The following YARS1 variants were observed in gnomAD, a reference collection of about 807,000 sequenced individuals.
YARS1 encodes the protein tyrosyl-tRNA synthetase 1, also known as tyrosine--tRNA ligase, cytoplasmic.
In YARS1, 36 loss-of-function variants were observed where a neutral mutation model predicts 62.2. The ratio of observed to expected loss-of-function variants is 0.58; its 90% CI spans 0.44 to 0.76. The LOEUF (loss-of-function observed/expected upper bound fraction) is 0.76, where lower values mean the gene tolerates loss of function less well. YARS1 is among the 30% of genes least tolerant of loss of function. YARS1 has a pLI of 0.00. For synonymous variants in YARS1, 234 were observed against 244.9 expected, an observed-to-expected ratio of 0.96 and a Z score of 0.42; for missense variants, 524 against 639.8, an observed-to-expected ratio of 0.82 and a Z score of 1.95.
At chr1:32,803,926 G>C (rs1369408379) in intron 4 of YARS1, among the ~76,000 whole-genome samples, 13 of 150,072 alleles carry the variant, frequency 8.7e-5, no homozygotes, top group Admixed American at 1.3e-4. Context: ...CTTGAGATTA[G>C]GGAGTGGTGA....
At chr1:32,781,258 A>G in intron 9 of YARS1, 113 bp from the exon 10 acceptor site, 1 of 885,436 alleles carries the variant, frequency 1.1e-6, no homozygotes, top group South Asian at 1.3e-5. Context: ...GAATCCCCAG[A>G]GTCTAAACAC....
At chr1:32,798,868 C>A (rs1237709087) in intron 4 of YARS1, among the ~76,000 whole-genome samples, 5 of 152,064 alleles carry the variant, frequency 3.3e-5, no homozygotes. Flanking sequence ...CAGTGACTGT[C>A]ACTTATGACA....
At chr1:32,804,001 T>C (rs957502913) in intron 4 of YARS1, among the ~76,000 whole-genome samples, 1 of 151,096 alleles carries the variant, frequency 6.6e-6, no homozygotes, top group Admixed American at 6.7e-5. Context: ...CACCGCCCTT[T>C]ATCCATTTAA....
In YARS1 at chr1:32,810,701, T is replaced by C. The variant is rs1569777416; in HGVS notation, c.270A>G (p.Leu90=). 4 of 1,614,202 alleles carry C rather than the reference T, an allele frequency of 2.5e-6. No individual in the cohort carries two copies. The highest frequency in any genetic ancestry group is 3.4e-6 in the Non-Finnish European group (4 of 1,180,026). Residue 90 remains leucine, a synonymous_variant, in exon 3 of 13, where the codon CTA becomes CTG. Transcript: ENST00000373477. The part of the protein sequence containing the change: ...LDNMKAPWEL[L]ELRVSYYENV... ...TCTCATAGTAACTGACTCGGAGTTC[T>C]AGAAGTTCCCATGGGGCTTTCATGT... is the stretch of plus-strand genomic sequence containing the variant.
intron 4 of YARS1, among the ~76,000 whole-genome samples, chr1:32,804,473 A>G (rs1638397137): frequency 6.6e-6 from 1 of 151,638 alleles, no homozygotes; most frequent in African/African-American, 2.4e-5. Flanking sequence ...CTCACTTCCC[A>G]GACGGGGCGG....
chr1:32,790,206 T>G (rs1231176330), intron 6 of YARS1, among the ~76,000 whole-genome samples: 4 of 147,058 alleles, frequency 2.7e-5, no homozygotes, highest in Non-Finnish European at 1.5e-5. Flanking sequence ...TTTTTTTAAT[T>G]TGTATTTTTA....
chr1:32,780,335 G>A, intron 10 of YARS1, 57 bp from the exon 11 acceptor site: 12 of 1,603,154 alleles, frequency 7.5e-6, no homozygotes, highest in Non-Finnish European at 1.0e-5. Context: ...GAAGCAGCCT[G>A]GTGAACTCTT....
intron 6 of YARS1, chr1:32,790,882 T>C: frequency 2.4e-6 from 1 of 415,024 alleles, no homozygotes; most frequent in Non-Finnish European, 4.5e-6. Flanking sequence ...AGTGCTCTCA[T>C]TAATAAGGCT....
intron 1 of YARS1, among the ~76,000 whole-genome samples, chr1:32,814,211 T>C (rs911910124): frequency 5.9e-5 from 9 of 152,186 alleles, no homozygotes; most frequent in Non-Finnish European, 1.2e-4. Flanking sequence ...TCACTCCTAC[T>C]ACAGTAAATG....
chr1:32,809,085 CTTTCT>C (rs1334263645), intron 3 of YARS1, among the ~76,000 whole-genome samples: 2 of 151,684 alleles, frequency 1.3e-5, no homozygotes, highest in East Asian at 1.9e-4. Flanking sequence ...ATTTCTTTTT[CTTTCT>C]TTTCTTTTTT....
Position 32,782,488 on chromosome 1 carries a change from AC to A in YARS1, c.957del (p.Lys319AsnfsTer15). ...LKNSVEVALN[K>X]LLDPIREKFN... Reference sequence around the variant, plus strand: ...AACTTTTCCCGGATTGGATCCAGCAACTTGTTCAGTGCGACTTCAACAGAAT... The same window carrying A: ...AACTTTTCCCGGATTGGATCCAGCAATTGTTCAGTGCGACTTCAACAGAAT... On this transcript the variant is annotated frameshift_variant, in exon 9 of 13. Coordinates refer to ENST00000373477, the MANE Select transcript of YARS1 (RefSeq NM_003680.4). LOFTEE classifies it high-confidence loss of function. The A allele has an allele frequency of 6.2e-7, 1 of 1,614,158 alleles. No individual in the cohort carries two copies. Among genetic ancestry groups the A allele is most frequent in the South Asian group, 1.1e-5 (1 of 91,080 alleles).
chr1:32,779,887 A>C, intron 11 of YARS1, 198 bp downstream of exon 11: 1 of 675,848 alleles, frequency 1.5e-6, no homozygotes, highest in Non-Finnish European at 2.5e-6. Flanking sequence ...CTATTTTAAC[A>C]AAATTAACTG....
chr1:32,808,883 T>G (rs1268668416), intron 3 of YARS1, among the ~76,000 whole-genome samples: 1 of 152,214 alleles, frequency 6.6e-6, no homozygotes, highest in Non-Finnish European at 1.5e-5. Context: ...TGTATTTCCT[T>G]GCTGGAATGT....
intron 1 of YARS1, among the ~76,000 whole-genome samples, chr1:32,814,142 T>TA (rs1212670908): frequency 6.6e-6 from 1 of 152,182 alleles, no homozygotes; most frequent in African/African-American, 2.4e-5. Flanking sequence ...GTGTTCAAAA[T>TA]AAAACTCATG....
At chr1:32,794,537 A>T (rs1280800484) in intron 5 of YARS1, among the ~76,000 whole-genome samples, 2 of 151,966 alleles carry the variant, frequency 1.3e-5, no homozygotes. Flanking sequence ...TTATAGGTGC[A>T]CACCACTGCG....
chr1:32,799,945 C>A (rs1314218963), intron 4 of YARS1, among the ~76,000 whole-genome samples: 1 of 151,896 alleles, frequency 6.6e-6, no homozygotes, highest in Admixed American at 6.6e-5. Context: ...AGGCATAAAC[C>A]ATGGCGCCCA....
chr1:32,786,269 A>G, intron 8 of YARS1, 93 bp downstream of exon 8: 1 of 1,280,274 alleles, frequency 7.8e-7, no homozygotes, highest in Non-Finnish European at 1.1e-6. Flanking sequence ...TCACTTTTAC[A>G]CAGAACAAGT....
At chr1:32,798,415 GAGA>G (rs529653913) in intron 4 of YARS1, among the ~76,000 whole-genome samples, 127 of 152,326 alleles carry the variant, frequency 8.3e-4, no homozygotes, top group Non-Finnish European at 1.4e-3. Context: ...CAGGGAGGGA[GAGA>G]AGAAGAAAAC....
intron 4 of YARS1, among the ~76,000 whole-genome samples, chr1:32,803,911 G>T (rs931874959): frequency 3.9e-5 from 6 of 152,112 alleles, no homozygotes; most frequent in Non-Finnish European, 8.8e-5. Context: ...TTGTGTCCCT[G>T]GGTACTTGAG....
Sources: gnomAD v4.1 joint callset for allele counts (sites outside exome capture counted in the v4.1 genomes callset) on GRCh38, gnomAD v4.1.1 for gene constraint, MANE v1.5 for transcripts, NCBI Gene and HGNC (gene_info 2026-07-23, HGNC 2026-07-21) for gene names.